MAD1L1: variants seen among roughly 807,000 people sequenced by gnomAD.
MAD1L1 encodes mitotic spindle assembly checkpoint protein MAD1.
A neutral mutation model predicts 96.9 loss-of-function variants in MAD1L1; 95 were observed. The ratio of observed to expected loss-of-function variants is 0.98; its 90% CI spans 0.83 to 1.16. MAD1L1 has a LOEUF of 1.16. MAD1L1 is among the 50% of genes most tolerant of loss of function. The pLI is 0.00. For synonymous variants in MAD1L1, 473 were observed against 396.6 expected (o/e 1.19, Z -2.29); for missense variants, 1,007 against 954.4 (o/e 1.06, Z -0.73).
At chr7:2,046,926 G>A (rs369950094) in intron 12 of MAD1L1, among the ~76,000 whole-genome samples, 18 of 152,296 alleles carry the variant, frequency 1.2e-4, no homozygotes, top group African/African-American at 4.1e-4. Flanking sequence ...CACACGCTGC[G>A]CACACAACAC....
chr7:2,153,647 T>C (rs1164080707), intron 10 of MAD1L1, among the ~76,000 whole-genome samples: 1 of 152,172 alleles, frequency 6.6e-6, no homozygotes, highest in Non-Finnish European at 1.5e-5. Context: ...TGGAGATTTC[T>C]CAAAAAGCTG....
chr7:2,017,492 G>T (rs1273003188), intron 12 of MAD1L1, among the ~76,000 whole-genome samples: 1 of 152,220 alleles, frequency 6.6e-6, no homozygotes, highest in Non-Finnish European at 1.5e-5. Flanking sequence ...TACACCGGCC[G>T]ATGGGGGCCG....
intron 10 of MAD1L1, among the ~76,000 whole-genome samples, chr7:2,181,031 T>C (rs917272978): frequency 6.6e-6 from 1 of 152,252 alleles, no homozygotes; most frequent in African/African-American, 2.4e-5. Context: ...ATCTTCAGGT[T>C]TGCTGATTCT....
At chr7:1,966,410 C>T (rs979475079) in intron 15 of MAD1L1, among the ~76,000 whole-genome samples, 2 of 152,020 alleles carry the variant, frequency 1.3e-5, no homozygotes, top group Admixed American at 1.3e-4. Flanking sequence ...CTGGGAAGTG[C>T]GGCGGAGAGG....
chr7:2,078,221 C>T (rs964697791), intron 11 of MAD1L1, among the ~76,000 whole-genome samples: 3 of 152,160 alleles, frequency 2.0e-5, no homozygotes, highest in African/African-American at 7.2e-5. Context: ...GAAACAACTG[C>T]CCTGGGACCT....
At chr7:1,993,623 C>T (rs1045143696) in intron 14 of MAD1L1, among the ~76,000 whole-genome samples, 3 of 152,228 alleles carry the variant, frequency 2.0e-5, no homozygotes, top group Non-Finnish European at 4.4e-5. Context: ...ACAACCAAGG[C>T]TCAGACATTA....
chr7:1,898,479 G>T, intron 17 of MAD1L1, 89 bp from the exon 18 acceptor site: 30 of 1,151,020 alleles, frequency 2.6e-5, no homozygotes, highest in Non-Finnish European at 3.5e-5. Flanking sequence ...AGGAAGCCGA[G>T]TACAGGTGGG....
At chr7:1,911,075 C>T (rs1787987015) in intron 17 of MAD1L1, among the ~76,000 whole-genome samples, 1 of 88 alleles carries the variant, frequency 0.011, no homozygotes, top group Non-Finnish European at 0.028. Flanking sequence ...TGCAGGCGTG[C>T]CTCATGTCTA....
chr7:2,219,496 A>C, intron 5 of MAD1L1, 40 bp from the exon 6 acceptor site: 1 of 1,602,382 alleles, frequency 6.2e-7, no homozygotes, highest in Non-Finnish European at 8.5e-7. Context: ...CAGTGAGTGG[A>C]GCCCGTGCGT....
chr7:2,169,251 G>C (rs1790589276), intron 10 of MAD1L1, among the ~76,000 whole-genome samples: 1 of 152,140 alleles, frequency 6.6e-6, no homozygotes, highest in Non-Finnish European at 1.5e-5. Flanking sequence ...ATCTACAAAG[G>C]TAAACCGGAA....
chr7:1,871,510 G>C (rs1172087678), intron 18 of MAD1L1, among the ~76,000 whole-genome samples: 328 of 41,132 alleles, frequency 8.0e-3, no homozygotes, highest in Admixed American at 0.016. Flanking sequence ...ACGCTGAACT[G>C]ACCATAACAC....
chr7:2,071,738 AG>A (rs1562658536), intron 11 of MAD1L1, among the ~76,000 whole-genome samples: 3 of 152,044 alleles, frequency 2.0e-5, no homozygotes, highest in Non-Finnish European at 4.4e-5. Context: ...TTCTCACCGG[AG>A]CAGGGAGCGC....
intron 17 of MAD1L1, among the ~76,000 whole-genome samples, chr7:1,936,342 T>C (rs1344122093): frequency 2.0e-5 from 3 of 152,184 alleles, no homozygotes; most frequent in African/African-American, 7.2e-5. Flanking sequence ...TGGTGAGAGA[T>C]GGACTTGTTT....
intron 10 of MAD1L1, among the ~76,000 whole-genome samples, chr7:2,154,702 G>A (rs11767469): frequency 0.3 from 46,304 of 152,088 alleles, 8,040 homozygotes; most frequent in East Asian, 0.55. Flanking sequence ...TTAGCTAGTG[G>A]AAACAGAATG....
chr7:1,912,224 G>C lies in MAD1L1; in HGVS notation c.1808-13834C>G, dbSNP rs543334610. ...TCCGTGTGTGTCAGCAGTGGAAACC[G>C]CAAGGCCAGCCCTGTCGACTGGATG... is the stretch of plus-strand genomic sequence containing the variant. On this transcript the variant is annotated intron_variant, in intron 17 of 18. Transcript: ENST00000265854. Among the ~76,000 whole-genome samples the C allele has an allele frequency of 2.6e-5, 4 of 152,248 alleles. No homozygotes were observed. In the South Asian group the frequency reaches 8.3e-4, roughly 32 times the overall value.
intron 18 of MAD1L1, among the ~76,000 whole-genome samples, chr7:1,881,510 A>G (rs1377277372): frequency 6.6e-6 from 1 of 152,258 alleles, no homozygotes; most frequent in Non-Finnish European, 1.5e-5. Flanking sequence ...TTACACAGCG[A>G]AAGATAAATC....
chr7:1,986,215 G>A (rs1274093084), intron 14 of MAD1L1, among the ~76,000 whole-genome samples: 1 of 152,214 alleles, frequency 6.6e-6, no homozygotes, highest in African/African-American at 2.4e-5. Context: ...AAAGGACACC[G>A]TGAGTTTTCC....
chr7:2,033,884 C>T (rs1783345055), intron 12 of MAD1L1, among the ~76,000 whole-genome samples: 1 of 152,228 alleles, frequency 6.6e-6, no homozygotes, highest in Non-Finnish European at 1.5e-5. Context: ...GCAGGAGAAT[C>T]ACCTGAGACC....
At chr7:1,899,203 G>A (rs1652581506) in intron 17 of MAD1L1, among the ~76,000 whole-genome samples, 1 of 152,354 alleles carries the variant, frequency 6.6e-6, no homozygotes, top group East Asian at 1.9e-4. Context: ...GAGGATAACA[G>A]CGATTATCAT....
Sources: allele counts gnomAD v4.1 joint callset (sites outside exome capture counted in the v4.1 genomes callset), GRCh38; gene constraint gnomAD v4.1.1; transcripts MANE v1.5; gene names NCBI Gene and HGNC (gene_info 2026-07-23, HGNC 2026-07-21).